Variants in CACNA1C observed in about 807,000 individuals in gnomAD.
CACNA1C encodes voltage-dependent L-type calcium channel subunit alpha-1C.
Under a neutral mutation model 229.0 loss-of-function variants are expected in CACNA1C, and 30 were observed. The observed-to-expected ratio is 0.13, with a 90% CI of 0.10 to 0.18. The LOEUF (loss-of-function observed/expected upper bound fraction) is 0.18. Among genes scored for constraint, CACNA1C ranks in the 10% least tolerant of loss-of-function variants. CACNA1C has a pLI of 1.00. For synonymous variants in CACNA1C, 1,114 were observed against 1,132.5 expected (o/e 0.98, Z 0.33); for missense variants, 1,658 against 2,845.0 (o/e 0.58, Z 9.49).
intron 3 of CACNA1C, among the ~76,000 whole-genome samples, chr12:2,321,194 C>T (rs937705443): frequency 1.3e-5 from 2 of 151,842 alleles, no homozygotes; most frequent in African/African-American, 4.8e-5. Context: ...AGGGGAGGGG[C>T]TTTTTCTGGC....
At chr12:2,225,606 A>C (rs1249261260) in intron 3 of CACNA1C, among the ~76,000 whole-genome samples, 1 of 152,106 alleles carries the variant, frequency 6.6e-6, no homozygotes, top group African/African-American at 2.4e-5. Context: ...AGTGTTCTGG[A>C]GAGTTTTACT....
In CACNA1C at chr12:2,095,274, A is replaced by G. The variant is rs568334297; in HGVS notation, c.50-19950A>G. Among the ~76,000 whole-genome samples, 3 of 152,290 alleles carry G rather than the reference A, an allele frequency of 2.0e-5. No homozygotes were observed. In the East Asian group the frequency reaches 5.8e-4, roughly 29 times the overall value. On this transcript the variant is annotated intron_variant, in intron 1 of 46. Coordinates refer to ENST00000399655, the MANE Select transcript of CACNA1C (RefSeq NM_000719.7). ...TCTTCATAGACCAGAAGCAGGTCCA[A>G]TTTGTCTTAAAGGTTATGACCCTCC...
Position 2,115,395 on chromosome 12 carries a change from C to G in CACNA1C, c.221C>G (p.Ser74Cys). 6.2e-7 allele frequency: 1 copy of G among 1,611,336 alleles called. No homozygotes were observed. Among genetic ancestry groups the G allele is most frequent in the Non-Finnish European group, 8.5e-7 (1 of 1,179,518 alleles). ...LMGSAGNATI[S>C]TVSSTQRKRQ... ...GGCAGCGCTGGCAATGCGACCATCT[C>G]CACAGTCAGCTCCACGCAGCGGAAG... The change falls in exon 2 of 47, where the codon TCC (serine) becomes TGC (cysteine). Residue 74 changes from serine to cysteine, a missense_variant. Coordinates refer to ENST00000399655, the MANE Select transcript of CACNA1C (RefSeq NM_000719.7).
chr12:2,554,370 C>G (rs970610168), intron 10 of CACNA1C, among the ~76,000 whole-genome samples: 2 of 152,166 alleles, frequency 1.3e-5, no homozygotes, highest in African/African-American at 4.8e-5. Flanking sequence ...CCTTCTCTCC[C>G]TCCTCGCTCT....
intron 9 of CACNA1C, among the ~76,000 whole-genome samples, chr12:2,528,174 A>C (rs1166056740): frequency 6.6e-6 from 1 of 152,216 alleles, no homozygotes; most frequent in Non-Finnish European, 1.5e-5. Flanking sequence ...GGAGCCAGAG[A>C]AAAGCAGGCA....
intron 3 of CACNA1C, among the ~76,000 whole-genome samples, chr12:2,269,068 T>G (rs116014402): frequency 0.057 from 8,622 of 152,178 alleles, 308 homozygotes; most frequent in African/African-American, 0.091. Context: ...GCCGTGTGGG[T>G]TACAGGGAGT....
At chr12:2,209,465 G>A (rs562666555) in intron 3 of CACNA1C, among the ~76,000 whole-genome samples, 1 of 152,180 alleles carries the variant, frequency 6.6e-6, no homozygotes, top group African/African-American at 2.4e-5. Context: ...GCGAGGGAGT[G>A]GGGGAGGCAC....
intron 1 of CACNA1C, among the ~76,000 whole-genome samples, chr12:2,008,027 C>T (rs1438118725): frequency 6.6e-6 from 1 of 152,032 alleles, no homozygotes; most frequent in Non-Finnish European, 1.5e-5. Context: ...AACATTATTG[C>T]AATTGAACAA....
chr12:2,312,856 G>C (rs868660373), intron 3 of CACNA1C, among the ~76,000 whole-genome samples: 9 of 152,064 alleles, frequency 5.9e-5, no homozygotes, highest in African/African-American at 1.9e-4. Context: ...GGGCTCCCCA[G>C]TCCTGAAATT....
rs942346157 is a variant in CACNA1C at position 2,679,536 on chromosome 12, G to A, written c.5184G>A (p.Leu1728=). ...FPQTFTTQRP[L]HINKAGSSQG... is the part of the protein sequence containing the mutation. ...AGACCTTCACCACTCAGCGCCCGCT[G>A]CACATCAACAAGGCGGGCAGCAGCC... Residue 1728 remains leucine, a synonymous_variant, in exon 42 of 47, where the codon CTG becomes CTA. Coordinates refer to ENST00000399655, the MANE Select transcript of CACNA1C (RefSeq NM_000719.7). This position sits in a 1 kb window ranked among gnomAD's most constrained non-coding sequence, Gnocchi z 5.5. The A allele has an allele frequency of 1.9e-6, 3 of 1,612,990 alleles. No homozygotes were observed. Among genetic ancestry groups the A allele is most frequent in the African/African-American group, 2.7e-5 (2 of 74,912 alleles).
At chr12:2,353,795 G>A (rs978123252) in intron 3 of CACNA1C, among the ~76,000 whole-genome samples, 1 of 152,148 alleles carries the variant, frequency 6.6e-6, no homozygotes, top group African/African-American at 2.4e-5. Context: ...CCTGTTTGTG[G>A]GATTCTGATG....
At chr12:2,532,775 A>G (rs1197220010) in intron 9 of CACNA1C, among the ~76,000 whole-genome samples, 1 of 152,168 alleles carries the variant, frequency 6.6e-6, no homozygotes, top group Non-Finnish European at 1.5e-5. Flanking sequence ...CCTAGAATTT[A>G]AGACTCAGAA....
chr12:2,679,440 A>T lies in CACNA1C; in HGVS notation c.5092-4A>T. 1 of 1,537,310 alleles carries T rather than the reference A, an allele frequency of 6.5e-7. No individual in the cohort carries two copies. The stretch of plus-strand genomic sequence containing the variant: ...CTCCACCCACCCCTCCTTCTTGCCT[A>T]CAGAGGGCCGGTGGCCTGTTCGGCA... On this transcript the variant is annotated splice_polypyrimidine_tract_variant and splice_region_variant and intron_variant, in intron 41 of 46. Coordinates refer to ENST00000399655, the MANE Select transcript of CACNA1C (RefSeq NM_000719.7). The surrounding 1 kb of genome is among the most constrained non-coding windows in gnomAD (Gnocchi z 5.5).
chr12:2,596,167 A>C, intron 20 of CACNA1C, 164 bp downstream of exon 20: 1 of 577,314 alleles, frequency 1.7e-6, no homozygotes, highest in Non-Finnish European at 2.8e-6. Flanking sequence ...ATAGAAAACC[A>C]CCCTAGGACC....
chr12:2,578,282 C>T (rs575015302), intron 13 of CACNA1C, among the ~76,000 whole-genome samples: 95 of 152,274 alleles, frequency 6.2e-4, no homozygotes, highest in African/African-American at 2.1e-3. Flanking sequence ...AACCTGCGGA[C>T]GGACAGCAGC....
At position 2,181,091 on chromosome 12, in the gene CACNA1C, G is replaced by A. The variant is rs1049561298; in HGVS notation, c.477+60661G>A. Among the ~76,000 whole-genome samples the A allele has an allele frequency of 6.6e-6, 1 of 152,120 alleles. No homozygotes were observed. Among genetic ancestry groups the A allele is most frequent in the Non-Finnish European group, 1.5e-5 (1 of 68,016 alleles). ...ATATCAGACTCAAATGTTTTCTTCTGGGGGGTTACAGTCTGGGGAAGACCC... is the reference window on the plus strand; with the variant it reads ...ATATCAGACTCAAATGTTTTCTTCTAGGGGGTTACAGTCTGGGGAAGACCC... On this transcript the variant is annotated intron_variant, in intron 3 of 46. Coordinates refer to ENST00000399655, the MANE Select transcript of CACNA1C (RefSeq NM_000719.7). The surrounding 1 kb of genome is among the most constrained non-coding windows in gnomAD (Gnocchi z 4.0).
chr12:2,150,042 A>T (rs1249218718), intron 3 of CACNA1C, among the ~76,000 whole-genome samples: 1 of 152,146 alleles, frequency 6.6e-6, no homozygotes, highest in Non-Finnish European at 1.5e-5. Flanking sequence ...CAGCATGGAG[A>T]CTGGGTAACA....
intron 45 of CACNA1C, among the ~76,000 whole-genome samples, 193 bp from the exon 46 acceptor site, chr12:2,688,254 A>C (rs764068985): frequency 1.5e-4 from 23 of 152,202 alleles, no homozygotes; most frequent in Non-Finnish European, 3.1e-4. Context: ...TGATCCTAAG[A>C]TGTATTTTGA....
chr12:2,016,909 T>G (rs1484574353), intron 1 of CACNA1C, among the ~76,000 whole-genome samples: 2 of 152,214 alleles, frequency 1.3e-5, no homozygotes, highest in Non-Finnish European at 2.9e-5. Context: ...CAGGTAATTA[T>G]AATGTGCCTC....
Sources: gnomAD v4.1 joint callset for allele counts (sites outside exome capture counted in the v4.1 genomes callset) on GRCh38, gnomAD v4.1.1 for gene constraint, Gnocchi (gnomAD v3.1) non-coding constraint, MANE v1.5 for transcripts, NCBI Gene and HGNC (gene_info 2026-07-23, HGNC 2026-07-21) for gene names.